NUP153: variants seen among roughly 807,000 people sequenced by gnomAD.
The protein encoded by NUP153 is nuclear pore complex protein Nup153.
In NUP153, 27 loss-of-function variants were observed where a neutral mutation model predicts 134.6. The observed-to-expected ratio is 0.20, with a 90% CI of 0.15 to 0.28. NUP153 has a LOEUF of 0.28. Ranked by LOEUF, NUP153 falls within the 10% of genes least tolerant of loss-of-function variation. NUP153 has a pLI of 1.00. For synonymous variants in NUP153, 640 were observed against 623.5 expected (o/e 1.03, Z -0.40); for missense variants, 1,821 against 1,731.3 (o/e 1.05, Z -0.92).
intron 14 of NUP153, among the ~76,000 whole-genome samples, chr6:17,643,798 T>A (rs1184595967): frequency 2.0e-5 from 3 of 152,228 alleles, no homozygotes; most frequent in Non-Finnish European, 4.4e-5. Context: ...AAAATCTGGG[T>A]AACTTCCTGA....
intron 1 of NUP153, among the ~76,000 whole-genome samples, chr6:17,705,036 C>T (rs1171310489): frequency 6.6e-6 from 1 of 152,182 alleles, no homozygotes; most frequent in Non-Finnish European, 1.5e-5. Flanking sequence ...GGATTACAGG[C>T]GTGAGCCAAC....
intron 5 of NUP153, among the ~76,000 whole-genome samples, chr6:17,674,311 G>A (rs1225009057): frequency 6.6e-6 from 1 of 152,062 alleles, no homozygotes; most frequent in Admixed American, 6.6e-5. Context: ...AAAAATTGTA[G>A]TATGTGTAAT....
intron 1 of NUP153, among the ~76,000 whole-genome samples, chr6:17,692,526 AAAAG>A (rs1451380767): frequency 2.0e-5 from 3 of 152,156 alleles, no homozygotes; most frequent in Non-Finnish European, 4.4e-5. Flanking sequence ...CAAAAAGACA[AAAAG>A]AAAGGAGGGA....
intron 2 of NUP153, among the ~76,000 whole-genome samples, chr6:17,679,361 C>T (rs1167168535): frequency 1.3e-5 from 2 of 151,976 alleles, no homozygotes; most frequent in East Asian, 1.9e-4. Context: ...AAAACAGTAC[C>T]GAAAGAAAGA....
rs990201361 is a variant in NUP153, at chr6:17,632,737, C to G, written c.2572G>C (p.Glu858Gln). The G allele has an allele frequency of 9.9e-6, 16 of 1,613,538 alleles. No homozygotes were observed. Among genetic ancestry groups the G allele is most frequent in the Non-Finnish European group, 1.4e-5 (16 of 1,179,988 alleles). The stretch of plus-strand genomic sequence containing the variant: ...GCCTTATTCTGCACTAGGCACAATT[C>G]ACAGTCCCAGCTTCCCTCGGGTTTC... Reference protein sequence around the residue: ...FKKPEGSWDCELCLVQNKADS... With the variant: ...FKKPEGSWDCQLCLVQNKADS... The change falls in exon 17 of 22, where the codon GAA becomes CAA. Residue 858 changes from glutamate to glutamine, a missense_variant. Transcript: ENST00000262077.
At chr6:17,693,723 T>C (rs140440980) in intron 1 of NUP153, among the ~76,000 whole-genome samples, 2,731 of 152,098 alleles carry the variant, frequency 0.018, 91 homozygotes, top group African/African-American at 0.062. Context: ...CCAGCACTAC[T>C]AAAAATACAA....
chr6:17,615,997 GCAGATCTGACTT>G lies in NUP153; in HGVS notation c.*88_*99del. The G allele has an allele frequency of 2.4e-6, 2 of 832,646 alleles. No individual in the cohort carries two copies. Among genetic ancestry groups the G allele is most frequent in the Admixed American group, 4.4e-5 (2 of 45,870 alleles). 51.6% of individuals were successfully genotyped at this position (832,646 alleles called of 1,614,324 possible). A position where few individuals can be genotyped will look rare whatever the true frequency, so the allele number is the denominator to read the frequency against. On this transcript the variant is annotated 3_prime_UTR_variant, in exon 22 of 22. Transcript: ENST00000262077. This position sits in a 1 kb window ranked among gnomAD's most constrained non-coding sequence, Gnocchi z 5.7. ...ATTCCAAAATTAAAGAAGTCCTTAG[GCAGATCTGACTT>G]CAGATAACCCCAGCACAAAGTACAA...
intron 11 of NUP153, among the ~76,000 whole-genome samples, chr6:17,653,947 G>A (rs1766656381): frequency 6.6e-6 from 1 of 152,204 alleles, no homozygotes; most frequent in Non-Finnish European, 1.5e-5. Flanking sequence ...TATGTATGCT[G>A]ACGTATTTGG....
At chr6:17,653,273 A>G (rs1216524255) in intron 11 of NUP153, among the ~76,000 whole-genome samples, 1 of 152,094 alleles carries the variant, frequency 6.6e-6, no homozygotes, top group African/African-American at 2.4e-5. Context: ...CTGAACAGAC[A>G]CCTCACAAAA....
chr6:17,706,543 G>A lies in NUP153; in HGVS notation c.-156C>T, dbSNP rs1436314583. On this transcript the variant is annotated 5_prime_UTR_variant, in exon 1 of 22. Transcript: ENST00000262077. The surrounding 1 kb of genome is among the most constrained non-coding windows in gnomAD (Gnocchi z 5.9). ...GCACAAGCACCCCAGGAACCGCGAG[G>A]TTGCGAGCAGGAGCGGAGAGAGGGT... 3.3e-6 allele frequency: 2 copies of A among 602,118 alleles called. No individual in the cohort carries two copies. The highest frequency in any genetic ancestry group is 2.0e-5 in the South Asian group (1 of 50,670). The allele number at this position is 602,118 out of a possible 1,614,324, so 37.3% of individuals were successfully genotyped here.
intron 1 of NUP153, among the ~76,000 whole-genome samples, chr6:17,698,145 G>A (rs1654457170): frequency 6.6e-6 from 1 of 152,152 alleles, no homozygotes. Flanking sequence ...ATTCTCCCAG[G>A]GAGCAGGTTT....
chr6:17,641,427 C>G (rs555195638), intron 14 of NUP153, among the ~76,000 whole-genome samples: 1 of 152,206 alleles, frequency 6.6e-6, no homozygotes, highest in East Asian at 1.9e-4. Context: ...CTCAGCTACT[C>G]AGGAGGCTGA....
rs1176024101 is a variant in NUP153, at chr6:17,675,253, C to G, written c.699G>C (p.Leu233Phe). The G allele has an allele frequency of 3.1e-6, 5 of 1,613,808 alleles. No homozygotes were observed. The highest frequency in any genetic ancestry group is 4.2e-6 in the Non-Finnish European group (5 of 1,180,020). ...CAGGGGAAAGTGTTCCAAAGGCAGACAAGTTGAATGCTGGTTTTTTTGAGC... is the reference window on the plus strand; with the variant it reads ...CAGGGGAAAGTGTTCCAAAGGCAGAGAAGTTGAATGCTGGTTTTTTTGAGC... ...ATSSKKPAFN[L>F]SAFGTLSPSL... Residue 233 changes from leucine to phenylalanine, a missense_variant, in exon 4 of 22, where the codon TTG (leucine) becomes TTC (phenylalanine). Leu to Phe is a conservative substitution (Grantham distance 22, BLOSUM62 0). Coordinates refer to ENST00000262077, the MANE Select transcript of NUP153 (RefSeq NM_005124.4). The surrounding 1 kb of genome is among the most constrained non-coding windows in gnomAD (Gnocchi z 4.4).
At chr6:17,659,424 C>G (rs1767040455) in intron 11 of NUP153, among the ~76,000 whole-genome samples, 1 of 152,182 alleles carries the variant, frequency 6.6e-6, no homozygotes, top group Non-Finnish European at 1.5e-5. Context: ...TTGTACCAAC[C>G]TAATAAATTC....
At chr6:17,670,182 C>T (rs574392600) in intron 5 of NUP153, among the ~76,000 whole-genome samples, 1 of 151,208 alleles carries the variant, frequency 6.6e-6, no homozygotes, top group African/African-American at 2.4e-5. Flanking sequence ...ATTCTGTTAA[C>T]CCCTTCGGTA....
At chr6:17,622,873 GT>G (rs1323667735) in intron 20 of NUP153, among the ~76,000 whole-genome samples, 2 of 152,122 alleles carry the variant, frequency 1.3e-5, no homozygotes, top group African/African-American at 4.8e-5. Context: ...GCTCACACCT[GT>G]AATCCCAGCA....
intron 11 of NUP153, among the ~76,000 whole-genome samples, chr6:17,659,663 G>A (rs1341645202): frequency 1.3e-5 from 2 of 152,080 alleles, no homozygotes; most frequent in Non-Finnish European, 2.9e-5. Context: ...AGTAAAGACG[G>A]GGTTTCATCA....
intron 8 of NUP153, among the ~76,000 whole-genome samples, chr6:17,666,798 C>CT (rs1489726092): frequency 2.6e-5 from 4 of 152,222 alleles, no homozygotes. Context: ...AAGCTTCTAA[C>CT]TCTGTCCAAA....
intron 16 of NUP153, among the ~76,000 whole-genome samples, chr6:17,635,918 C>T (rs1765524483): frequency 6.6e-6 from 1 of 152,184 alleles, no homozygotes; most frequent in Admixed American, 6.5e-5. Context: ...AAATTACTTC[C>T]TGACTCAAAG....
Sources: allele counts gnomAD v4.1 joint callset (sites outside exome capture counted in the v4.1 genomes callset), GRCh38; gene constraint gnomAD v4.1.1; non-coding constraint Gnocchi (gnomAD v3.1); transcripts MANE v1.5; gene names NCBI Gene and HGNC (gene_info 2026-07-23, HGNC 2026-07-21).